STUM: variants seen among roughly 807,000 people sequenced by gnomAD.
STUM encodes protein stum homolog.
In STUM, 8 loss-of-function variants were observed where a neutral mutation model predicts 15.3. The observed-to-expected ratio is 0.52, with a 90% CI of 0.31 to 0.94. STUM has a LOEUF of 0.94. Ranked by LOEUF, STUM falls within the 40% of genes least tolerant of loss-of-function variation. The pLI is 0.05. For missense variants in STUM, 142 were observed against 204.9 expected, an observed-to-expected ratio of 0.69 and a Z score of 1.87; for synonymous variants, 78 against 88.7, an observed-to-expected ratio of 0.88 and a Z score of 0.68.
chr1:226,598,430 G>A (rs768533677), intron 2 of STUM, among the ~76,000 whole-genome samples: 9 of 152,180 alleles, frequency 5.9e-5, no homozygotes, highest in African/African-American at 1.4e-4. Flanking sequence ...GCATTAAAGC[G>A]GAACATGACT....
chr1:226,591,604 C>T (rs1272226408), intron 1 of STUM, among the ~76,000 whole-genome samples: 3 of 152,202 alleles, frequency 2.0e-5, no homozygotes, highest in Non-Finnish European at 1.5e-5. Flanking sequence ...ACTCAGCCCA[C>T]TGGCCTCTAA....
At chr1:226,584,808 C>T (rs1047884022) in intron 1 of STUM, among the ~76,000 whole-genome samples, 1 of 152,212 alleles carries the variant, frequency 6.6e-6, no homozygotes, top group African/African-American at 2.4e-5. Context: ...GCCTTCTCTG[C>T]AGCTAGTGAG....
intron 1 of STUM, among the ~76,000 whole-genome samples, chr1:226,563,858 C>T (rs553177403): frequency 6.6e-6 from 1 of 152,330 alleles, no homozygotes; most frequent in East Asian, 1.9e-4. Context: ...CCAGGAATTG[C>T]CCTGTGGCCT....
chr1:226,548,872 G>T lies in STUM; in HGVS notation c.-33G>T. 1.5e-6 allele frequency: 2 copies of T among 1,326,920 alleles called. No homozygotes were observed. The highest frequency in any genetic ancestry group is 1.9e-6 in the Non-Finnish European group (2 of 1,047,538). 82.2% of individuals were successfully genotyped at this position (1,326,920 alleles called of 1,614,324 possible). ...CGTACGCTGGGCGCCAGCTCCGGCCGTGCTGCCCGGCTGCCTGAGAGCGCG... is the reference window on the plus strand; with the variant it reads ...CGTACGCTGGGCGCCAGCTCCGGCCTTGCTGCCCGGCTGCCTGAGAGCGCG... On this transcript the variant is annotated 5_prime_UTR_variant, in exon 1 of 4. Transcript: ENST00000366788.
In STUM at chr1:226,607,926, C is replaced by A. The variant is rs1668387833; in HGVS notation, c.*5886C>A. The A allele has an allele frequency of 6.6e-6, 1 of 152,314 alleles. No individual in the cohort carries two copies. The highest frequency in any genetic ancestry group is 1.5e-5 in the Non-Finnish European group (1 of 68,110). The allele number at this position is 152,314 out of a possible 1,614,324, so 9.4% of individuals were successfully genotyped here. A position where few individuals can be genotyped will look rare whatever the true frequency, so the allele number is the denominator to read the frequency against. ...GCAGGCCAGGGTCTGCCTGGAGCCTCAGGGTTGGGACTTATCTCCAAAGGA... is the reference window on the plus strand; with the variant it reads ...GCAGGCCAGGGTCTGCCTGGAGCCTAAGGGTTGGGACTTATCTCCAAAGGA... On this transcript the variant is annotated 3_prime_UTR_variant, in exon 4 of 4. Coordinates refer to ENST00000366788, the MANE Select transcript of STUM (RefSeq NM_001003665.4).
At chr1:226,587,485 C>T (rs1668014944) in intron 1 of STUM, among the ~76,000 whole-genome samples, 1 of 152,186 alleles carries the variant, frequency 6.6e-6, no homozygotes, top group South Asian at 2.1e-4. Context: ...ACCAGGGTCT[C>T]ACCTGTACAC....
At chr1:226,568,882 A>G (rs1236163271) in intron 1 of STUM, among the ~76,000 whole-genome samples, 1 of 152,020 alleles carries the variant, frequency 6.6e-6, no homozygotes, top group Non-Finnish European at 1.5e-5. Flanking sequence ...AGTAAGGATA[A>G]GCAGAAGCAG....
chr1:226,574,432 C>T (rs1667769964), intron 1 of STUM, among the ~76,000 whole-genome samples: 1 of 152,182 alleles, frequency 6.6e-6, no homozygotes, highest in Non-Finnish European at 1.5e-5. Context: ...AAAAAGAGGG[C>T]TGTTTTTCCC....
At chr1:226,577,687 A>AG (rs899653778) in intron 1 of STUM, among the ~76,000 whole-genome samples, 8 of 151,970 alleles carry the variant, frequency 5.3e-5, no homozygotes, top group African/African-American at 1.9e-4. Flanking sequence ...ACTGAAAGGG[A>AG]GGGGGGGCCA....
chr1:226,562,356 T>C (rs1571796014), intron 1 of STUM, among the ~76,000 whole-genome samples: 2 of 151,694 alleles, frequency 1.3e-5, no homozygotes, highest in South Asian at 4.2e-4. Flanking sequence ...GTAGTCTCAG[T>C]TACTCGGGAG....
chr1:226,557,952 A>G (rs759010568), intron 1 of STUM, among the ~76,000 whole-genome samples: 6 of 152,266 alleles, frequency 3.9e-5, no homozygotes, highest in Non-Finnish European at 5.9e-5. Flanking sequence ...ATGATAAAAA[A>G]TCTCACCAAA....
rs1194578867 is a variant in STUM at position 226,567,410 on chromosome 1, C to G, written c.202+18304C>G. ...AAACACAACAATATTAGCTATTAAACAAAGTAAGGAAACATTGAATAAGAA... is the reference window on the plus strand; with the variant it reads ...AAACACAACAATATTAGCTATTAAAGAAAGTAAGGAAACATTGAATAAGAA... On this transcript the variant is annotated intron_variant, in intron 1 of 3. Transcript: ENST00000366788. The surrounding 1 kb of genome is among the most constrained non-coding windows in gnomAD (Gnocchi z 4.5). 6.6e-6 allele frequency among the ~76,000 whole-genome samples: 1 copy of G among 152,124 alleles called. No individual in the cohort carries two copies. The highest frequency in any genetic ancestry group is 6.5e-5 in the Admixed American group (1 of 15,276).
chr1:226,559,072 A>G (rs1001664103), intron 1 of STUM, among the ~76,000 whole-genome samples: 13 of 152,246 alleles, frequency 8.5e-5, no homozygotes, highest in African/African-American at 3.1e-4. Flanking sequence ...CAGACCATAA[A>G]TTACATTGAT....
chr1:226,566,607 AT>A (rs1419086421), intron 1 of STUM, among the ~76,000 whole-genome samples: 2 of 152,106 alleles, frequency 1.3e-5, no homozygotes, highest in African/African-American at 4.8e-5. Context: ...TCTTGGTGCC[AT>A]TTTTCCAGAA....
chr1:226,572,532 C>G (rs1281901395), intron 1 of STUM, among the ~76,000 whole-genome samples: 1 of 152,084 alleles, frequency 6.6e-6, no homozygotes, highest in Non-Finnish European at 1.5e-5. Flanking sequence ...GATGAGCAGA[C>G]GGAGCAGAGG....
intron 2 of STUM, chr1:226,597,446 T>C (rs1186170315): frequency 2.1e-6 from 1 of 472,462 alleles, no homozygotes; most frequent in Non-Finnish European, 4.4e-6. Context: ...TCCTCAATAA[T>C]TGACCTCACC....
intron 1 of STUM, among the ~76,000 whole-genome samples, chr1:226,583,005 G>C (rs944828056): frequency 1.3e-5 from 2 of 152,242 alleles, no homozygotes; most frequent in African/African-American, 4.8e-5. Flanking sequence ...GTTATTCTTA[G>C]CTGGGATGGC....
rs77994262 is a variant in STUM, at chr1:226,589,441, G to A, written c.203-7361G>A. ...TTTTCTCTCCCTACTGCCTTGTCTT[G>A]GAGCCTGGGCCCGGAGCTCCTTGGG... On this transcript the variant is annotated intron_variant, in intron 1 of 3. Coordinates refer to ENST00000366788, the MANE Select transcript of STUM (RefSeq NM_001003665.4). Among the ~76,000 whole-genome samples the A allele has an allele frequency of 5.3e-4, 81 of 152,288 alleles. 2 individuals carry two copies. In the East Asian group the frequency reaches 0.013, roughly 24 times the overall value.
At chr1:226,577,544 C>T (rs1667838098) in intron 1 of STUM, among the ~76,000 whole-genome samples, 2 of 152,244 alleles carry the variant, frequency 1.3e-5, no homozygotes, top group African/African-American at 2.4e-5. Flanking sequence ...CACACATAGA[C>T]TCGTGCACGC....
Sources: allele counts gnomAD v4.1 joint callset (sites outside exome capture counted in the v4.1 genomes callset), GRCh38; gene constraint gnomAD v4.1.1; non-coding constraint Gnocchi (gnomAD v3.1); transcripts MANE v1.5; gene names NCBI Gene and HGNC (gene_info 2026-07-23, HGNC 2026-07-21).